TRAPPC9: variants seen among roughly 807,000 people sequenced by gnomAD.
TRAPPC9 encodes IKK2 binding protein.
A neutral mutation model predicts 124.0 loss-of-function variants in TRAPPC9; 83 were observed. That is an observed-to-expected ratio of 0.67 (90% CI 0.56 to 0.80). The LOEUF (loss-of-function observed/expected upper bound fraction) is 0.80. Among genes scored for constraint, TRAPPC9 ranks in the 30% least tolerant of loss-of-function variants. The probability of loss-of-function intolerance (pLI) is 0.00; values close to 1 mark genes in which losing one functional copy is unlikely to be tolerated. For synonymous variants in TRAPPC9, 638 were observed against 617.5 expected (o/e 1.03, Z -0.49); for missense variants, 1,302 against 1,508.3 (o/e 0.86, Z 2.27).
intron 19 of TRAPPC9, among the ~76,000 whole-genome samples, chr8:139,930,262 AG>A: frequency 6.6e-6 from 1 of 152,288 alleles, no homozygotes; most frequent in Non-Finnish European, 1.5e-5. Flanking sequence ...TGAGATGGGA[AG>A]GCTTATAGTG....
chr8:139,731,176 G>T lies in TRAPPC9; in HGVS notation c.3332C>A (p.Thr1111Lys). ...ACLGALLFLY[T>K]GDFFLHIRFH... Reference sequence around the variant, plus strand: ...CCGGATGTGGAGGAAGAAGTCTCCCGTGTAGAGGAAGAGGAGGGCCCCGAG... The same window carrying T: ...CCGGATGTGGAGGAAGAAGTCTCCCTTGTAGAGGAAGAGGAGGGCCCCGAG... Residue 1111 changes from threonine to lysine, a missense_variant, in exon 23 of 23, where the codon ACG becomes AAG. This residue lies in a region of TRAPPC9 where 640 missense variants were observed against 679.3 expected (regional missense o/e 0.94). Coordinates refer to ENST00000438773, the MANE Select transcript of TRAPPC9 (RefSeq NM_001160372.4). The T allele has an allele frequency of 6.2e-7, 1 of 1,613,898 alleles. No homozygotes were observed.
At chr8:140,420,102 T>C (rs995368950) in intron 5 of TRAPPC9, among the ~76,000 whole-genome samples, 2 of 152,006 alleles carry the variant, frequency 1.3e-5, no homozygotes, top group African/African-American at 4.8e-5. Flanking sequence ...CCATTTACAA[T>C]AGCATGAAAA....
At chr8:139,767,251 C>T (rs1820641016) in intron 21 of TRAPPC9, among the ~76,000 whole-genome samples, 1 of 152,232 alleles carries the variant, frequency 6.6e-6, no homozygotes, top group Non-Finnish European at 1.5e-5. Flanking sequence ...CAGGGTACAG[C>T]ACAGATGTGA....
chr8:140,403,810 A>G (rs1422828284), intron 6 of TRAPPC9, among the ~76,000 whole-genome samples: 1 of 151,990 alleles, frequency 6.6e-6, no homozygotes, highest in African/African-American at 2.4e-5. Flanking sequence ...GGTGCACACC[A>G]CCACATCTGG....
chr8:140,290,838 T>C (rs1159745288), intron 12 of TRAPPC9, among the ~76,000 whole-genome samples, 155 bp downstream of exon 12: 1 of 152,220 alleles, frequency 6.6e-6, no homozygotes, highest in Non-Finnish European at 1.5e-5. Flanking sequence ...TAACAAAACA[T>C]GGTCTTCATT....
intron 17 of TRAPPC9, among the ~76,000 whole-genome samples, chr8:140,112,171 G>A (rs1259413720): frequency 1.3e-5 from 2 of 151,930 alleles, no homozygotes; most frequent in Non-Finnish European, 2.9e-5. Flanking sequence ...ACGATGGTGC[G>A]ACAGGTGCAA....
intron 15 of TRAPPC9, among the ~76,000 whole-genome samples, chr8:140,268,360 C>T (rs574229753): frequency 2.6e-5 from 4 of 152,270 alleles, no homozygotes; most frequent in Middle Eastern, 3.4e-3. Flanking sequence ...GCTTTTGGTG[C>T]TGTAGGACTA....
chr8:140,434,389 A>G (rs2070742968), intron 4 of TRAPPC9, among the ~76,000 whole-genome samples: 1 of 152,168 alleles, frequency 6.6e-6, no homozygotes, highest in African/African-American at 2.4e-5. Flanking sequence ...CTCACTCTTC[A>G]TTGGTTCTAC....
intron 17 of TRAPPC9, among the ~76,000 whole-genome samples, chr8:140,172,545 G>C (rs2130954122): frequency 6.6e-6 from 1 of 152,130 alleles, no homozygotes; most frequent in East Asian, 1.9e-4. Context: ...CAGTGGACAG[G>C]GGGTTAAACT....
chr8:140,319,249 C>T (rs1290422135), intron 9 of TRAPPC9, among the ~76,000 whole-genome samples: 1 of 146,736 alleles, frequency 6.8e-6, no homozygotes, highest in Non-Finnish European at 1.5e-5. Flanking sequence ...GATCTCGGCT[C>T]ACTGCAAGCT....
chr8:139,905,456 G>T (rs1274392247), intron 20 of TRAPPC9, among the ~76,000 whole-genome samples: 1 of 152,230 alleles, frequency 6.6e-6, no homozygotes, highest in Non-Finnish European at 1.5e-5. Context: ...CAGGGAGAGT[G>T]CTTCCCGAGT....
intron 21 of TRAPPC9, among the ~76,000 whole-genome samples, chr8:139,854,963 G>C (rs1437085014): frequency 6.6e-6 from 1 of 152,198 alleles, no homozygotes; most frequent in Admixed American, 6.5e-5. Context: ...ACCGAGCCTT[G>C]GCATGGGCTG....
At chr8:140,028,692 C>G (rs145412666) in intron 17 of TRAPPC9, among the ~76,000 whole-genome samples, 10 of 152,236 alleles carry the variant, frequency 6.6e-5, no homozygotes, top group Non-Finnish European at 1.5e-4. Context: ...GAAGAAGGCA[C>G]AGTGCCACCC....
At chr8:139,906,066 G>C (rs1303444731) in intron 20 of TRAPPC9, among the ~76,000 whole-genome samples, 1 of 151,946 alleles carries the variant, frequency 6.6e-6, no homozygotes. Context: ...CTGTACTCCA[G>C]CCTGGTGACA....
intron 17 of TRAPPC9, among the ~76,000 whole-genome samples, chr8:140,137,727 G>A (rs866784436): frequency 2.0e-5 from 3 of 152,216 alleles, no homozygotes; most frequent in South Asian, 4.1e-4. Flanking sequence ...ACAATCCTAC[G>A]TAGTAGATAT....
intron 4 of TRAPPC9, among the ~76,000 whole-genome samples, chr8:140,429,323 C>T (rs1439073625): frequency 6.6e-6 from 1 of 152,068 alleles, no homozygotes; most frequent in Non-Finnish European, 1.5e-5. Context: ...AACTCCTGAC[C>T]TCGTGATCTG....
intron 2 of TRAPPC9, among the ~76,000 whole-genome samples, chr8:140,443,381 A>G (rs1241827258): frequency 1.3e-5 from 2 of 151,602 alleles, no homozygotes; most frequent in Non-Finnish European, 2.9e-5. Context: ...GCTTGCAGTG[A>G]GCCAAGATCG....
chr8:140,127,748 T>A (rs1246172654), intron 17 of TRAPPC9, among the ~76,000 whole-genome samples: 2 of 152,222 alleles, frequency 1.3e-5, no homozygotes, highest in African/African-American at 4.8e-5. Context: ...ATAGCTACCA[T>A]ATCCAAAAGC....
intron 17 of TRAPPC9, among the ~76,000 whole-genome samples, chr8:140,122,023 T>TTCTTTCTCTCTCTCTC (rs776733761): frequency 2.2e-5 from 3 of 138,532 alleles, no homozygotes; most frequent in African/African-American, 8.0e-5. Flanking sequence ...CTTTCTTTCT[T>TTCTTTCTCTCTCTCTC]TCTCTCTCTC....
Sources: gnomAD v4.1 joint callset for allele counts (sites outside exome capture counted in the v4.1 genomes callset) on GRCh38, gnomAD v4.1.1 for gene constraint, gnomAD v4.1.1 regional missense constraint, MANE v1.5 for transcripts, NCBI Gene and HGNC (gene_info 2026-07-23, HGNC 2026-07-21) for gene names.